AHI1: variants seen among roughly 807,000 people sequenced by gnomAD.
The protein encoded by AHI1 is jouberin.
AHI1 carries 123 observed loss-of-function variants against 149.3 expected under a neutral mutation model. That is an observed-to-expected ratio of 0.82 (90% CI 0.71 to 0.96). The LOEUF is 0.96. AHI1 is among the 40% of genes least tolerant of loss of function. AHI1 has a pLI of 0.00. For synonymous variants in AHI1, 475 were observed against 459.8 expected (o/e 1.03, Z -0.42); for missense variants, 1,439 against 1,422.7 (o/e 1.01, Z -0.18).
At chr6:135,319,684 A>G (rs570092235) in intron 25 of AHI1, among the ~76,000 whole-genome samples, 3 of 152,360 alleles carry the variant, frequency 2.0e-5, no homozygotes, top group South Asian at 4.1e-4. Context: ...TATTTTGGTT[A>G]AGAACATCTC....
chr6:135,374,303 G>A (rs1012191668), intron 23 of AHI1, among the ~76,000 whole-genome samples: 1 of 150,928 alleles, frequency 6.6e-6, no homozygotes, highest in Non-Finnish European at 1.5e-5. Context: ...TAGTAGAGAC[G>A]GGGTCTCAGT....
chr6:135,309,357 T>C (rs1316599541), intron 26 of AHI1, among the ~76,000 whole-genome samples: 1 of 152,220 alleles, frequency 6.6e-6, no homozygotes, highest in Non-Finnish European at 1.5e-5. Flanking sequence ...AAATAACATT[T>C]ATATGAAATT....
chr6:135,486,597 A>G (rs9402708), intron 5 of AHI1, among the ~76,000 whole-genome samples: 150,357 of 152,172 alleles, frequency 0.99, 74,295 homozygotes, highest in East Asian at 1. Context: ...ATTTATATAG[A>G]GTTTTTTGTT....
At chr6:135,338,300 C>CAAAAAAAAAA (rs199794648) in intron 24 of AHI1, among the ~76,000 whole-genome samples, 5 of 94,560 alleles carry the variant, frequency 5.3e-5, no homozygotes, top group Non-Finnish European at 8.6e-5. Context: ...AACTCCATCT[C>CAAAAAAAAAA]AAAAAAAAAA....
intron 23 of AHI1, among the ~76,000 whole-genome samples, chr6:135,361,209 AAC>A (rs989327990): frequency 2.6e-5 from 4 of 152,326 alleles, no homozygotes; most frequent in East Asian, 1.9e-4. Flanking sequence ...AGCAACTTAA[AAC>A]AGTGTTAACC....
intron 8 of AHI1, among the ~76,000 whole-genome samples, chr6:135,458,604 T>C (rs1360549390): frequency 1.3e-5 from 2 of 152,180 alleles, no homozygotes; most frequent in Non-Finnish European, 2.9e-5. Context: ...CATCTACCAA[T>C]TCTGGTCACA....
intron 22 of AHI1, among the ~76,000 whole-genome samples, chr6:135,399,168 G>C (rs1039152606): frequency 1.3e-5 from 2 of 152,152 alleles, no homozygotes; most frequent in Non-Finnish European, 2.9e-5. Flanking sequence ...GGGTGACAGG[G>C]AAGACCCTGC....
At chr6:135,490,782 A>C in intron 4 of AHI1, 35 bp from the exon 5 acceptor site, 1 of 1,607,232 alleles carries the variant, frequency 6.2e-7, no homozygotes, top group Non-Finnish European at 8.5e-7. Context: ...TTTGTAAATG[A>C]CTCTATCATA....
intron 26 of AHI1, among the ~76,000 whole-genome samples, chr6:135,306,300 T>G (rs1362358631): frequency 1.3e-5 from 2 of 152,154 alleles, no homozygotes; most frequent in Admixed American, 1.3e-4. Context: ...AGGTCTGCCA[T>G]AGAAAGGAAA....
chr6:135,455,872 A>G lies in AHI1; in HGVS notation c.1206T>C (p.Pro402=). ...TAAAATCATATGGCTGGGTCATAAT[A>G]GGAAGAATATAATCCACATTCTCTT... is the stretch of plus-strand genomic sequence containing the variant. ...YEKENVDYIL[P]IMTQPYDFKQ... Residue 402 remains proline (P), a synonymous_variant, in exon 10 of 29, where the codon CCT becomes CCC. Coordinates refer to ENST00000265602, the MANE Select transcript of AHI1 (RefSeq NM_001134831.2). 1 of 1,586,186 alleles carries G rather than the reference A, an allele frequency of 6.3e-7. No individual in the cohort carries two copies. Among genetic ancestry groups the G allele is most frequent in the Admixed American group, 1.7e-5 (1 of 58,264 alleles).
chr6:135,309,801 C>G (rs974181410), intron 26 of AHI1, among the ~76,000 whole-genome samples: 3 of 152,058 alleles, frequency 2.0e-5, no homozygotes, highest in Non-Finnish European at 2.9e-5. Flanking sequence ...TTTTAACTTA[C>G]TTATAAGGTA....
chr6:135,302,926 A>G, intron 26 of AHI1: 1 of 699,602 alleles, frequency 1.4e-6, no homozygotes, highest in Non-Finnish European at 2.0e-6. Flanking sequence ...CACACTTGTT[A>G]GAAAGTTGTT....
chr6:135,428,559 G>A, intron 19 of AHI1, 70 bp downstream of exon 19: 4 of 1,413,648 alleles, frequency 2.8e-6, no homozygotes, highest in Non-Finnish European at 3.7e-6. Flanking sequence ...CCATAAAATG[G>A]TAGAATTTTC....
At chr6:135,490,351 C>T in intron 5 of AHI1, 1 of 666,160 alleles carries the variant, frequency 1.5e-6, no homozygotes, top group Non-Finnish European at 2.7e-6. Context: ...AAAATGTTAT[C>T]ATGGCTAGTT....
intron 20 of AHI1, among the ~76,000 whole-genome samples, chr6:135,421,331 A>G (rs1783125714): frequency 6.6e-6 from 1 of 152,172 alleles, no homozygotes; most frequent in South Asian, 2.1e-4. Context: ...AATTGCCACA[A>G]ACCTTCAATT....
intron 26 of AHI1, among the ~76,000 whole-genome samples, chr6:135,313,237 G>A (rs75233654): frequency 0.023 from 3,465 of 152,180 alleles, 61 homozygotes; most frequent in East Asian, 0.054. Context: ...GTAAAATACT[G>A]TCTTACACAC....
intron 24 of AHI1, among the ~76,000 whole-genome samples, chr6:135,357,159 A>C (rs1443273819): frequency 2.6e-5 from 4 of 152,116 alleles, no homozygotes; most frequent in Non-Finnish European, 5.9e-5. Flanking sequence ...GGATGGTCTC[A>C]ATCTCCTGAC....
At chr6:135,395,170 G>A (rs957426257) in intron 22 of AHI1, among the ~76,000 whole-genome samples, 1 of 151,946 alleles carries the variant, frequency 6.6e-6, no homozygotes, top group African/African-American at 2.4e-5. Flanking sequence ...ACTTAGAGTG[G>A]TCTTAAGTTA....
chr6:135,472,634 A>T (rs1263066654), intron 5 of AHI1, among the ~76,000 whole-genome samples: 3 of 152,182 alleles, frequency 2.0e-5, no homozygotes, highest in African/African-American at 7.2e-5. Context: ...AGTTCCAGTT[A>T]CTTACCATCC....
Sources: allele counts gnomAD v4.1 joint callset (sites outside exome capture counted in the v4.1 genomes callset), GRCh38; gene constraint gnomAD v4.1.1; transcripts MANE v1.5; gene names NCBI Gene and HGNC (gene_info 2026-07-23, HGNC 2026-07-21).